The following GLB1L variants were observed in gnomAD, a reference collection of about 807,000 sequenced individuals.
The protein encoded by GLB1L is galactosidase beta 1 like.
In GLB1L, 58 loss-of-function variants were observed where a neutral mutation model predicts 75.7. The observed-to-expected ratio is 0.77, with a 90% confidence interval of 0.62 to 0.95. The LOEUF is 0.95. Ranked by LOEUF, GLB1L falls within the 40% of genes least tolerant of loss-of-function variation. The pLI, the probability that GLB1L is intolerant of heterozygous loss-of-function variation, is 0.00. For synonymous variants in GLB1L, 296 were observed against 303.0 expected, an observed-to-expected ratio of 0.98 and a Z score of 0.24; for missense variants, 797 against 805.5, an observed-to-expected ratio of 0.99 and a Z score of 0.13.
intron 5 of GLB1L, 51 bp from the exon 6 acceptor site, chr2:219,240,336 C>T: frequency 7.2e-7 from 1 of 1,382,762 alleles, no homozygotes; most frequent in Non-Finnish European, 1.0e-6. Flanking sequence ...CACACTTGCT[C>T]ACCACTAAAT....
Position 219,242,884 on chromosome 2 carries a change from C to T in GLB1L, c.274G>A (p.Gly92Arg). 6.2e-7 allele frequency: 1 copy of T among 1,614,226 alleles called. No individual in the cohort carries two copies. The highest frequency in any genetic ancestry group is 1.1e-5 in the South Asian group (1 of 91,084). Residue 92 changes from glycine to arginine, a missense_variant, in exon 4 of 17, where the codon GGG becomes AGG. Transcript: ENST00000295759. The stretch of plus-strand genomic sequence containing the variant: ...CGGCTGCCATTAAAGTTATAGACCC[C>T]AGGCTGTGGCTCGTGGTAGTTCCAG... The part of the protein sequence containing the change: ...VPWNYHEPQP[G>R]VYNFNGSRDL...
Position 219,242,802 on chromosome 2 carries a change from CT to C in GLB1L, c.355del (p.Arg119AspfsTer27). 1 of 1,614,180 alleles carries C rather than the reference CT, an allele frequency of 6.2e-7. No individual in the cohort carries two copies. Among genetic ancestry groups the C allele is most frequent in the African/African-American group, 1.3e-5 (1 of 75,038 alleles). On this transcript the variant is annotated frameshift_variant, in exon 4 of 17. Coordinates refer to ENST00000295759, the MANE Select transcript of GLB1L (RefSeq NM_001286423.2). LOFTEE classifies it high-confidence loss of function. ...AALANLLVILRPGPYICAEWE... is the reference protein window; with the variant it reads ...AALANLLVILXPGPYICAEWE... ...CTCTGCACAGATGTAAGGTCCTGGT[CT>C]CAGTATGACCAACAGGTTCGCTAGA...
Position 219,239,205 on chromosome 2 carries a change from C to T in GLB1L, c.949G>A (p.Asp317Asn), listed in dbSNP as rs1367255835. The change falls in exon 11 of 17, where the codon GAT becomes AAT. Residue 317 changes from aspartate to asparagine, a missense_variant. By Grantham distance (23) the Asp-to-Asn change is conservative. Coordinates refer to ENST00000295759, the MANE Select transcript of GLB1L (RefSeq NM_001286423.2). ...ATCGGAAGGAAGCGTCCCTTCTTAT[C>T]GGCACCTGAAGTTGAGCCAATTTAA... Reference protein sequence around the residue: ...GTNFGYWNGADKKGRFLPITT... With the variant: ...GTNFGYWNGANKKGRFLPITT... The T allele has an allele frequency of 2.5e-6, 4 of 1,609,330 alleles. No individual in the cohort carries two copies. Among genetic ancestry groups the T allele is most frequent in the African/African-American group, 1.3e-5 (1 of 74,666 alleles).
At chr2:219,244,602 GGACAACTGCTT>G in intron 1 of GLB1L, among the ~76,000 whole-genome samples, 1 of 152,260 alleles carries the variant, frequency 6.6e-6, no homozygotes. Context: ...CAGATATTAA[GGACAACTGCTT>G]TGTGCCAAAG....
At position 219,243,403 on chromosome 2, in the gene GLB1L, C is replaced by T. The variant is rs551776642; in HGVS notation, c.73-89G>A. 2.5e-6 allele frequency: 4 copies of T among 1,592,980 alleles called. No homozygotes were observed. The African/African-American group carries it at 4.0e-5, about 16-fold the overall frequency. On this transcript the variant is annotated intron_variant, in intron 2 of 16. Transcript: ENST00000295759. Reference sequence around the variant, plus strand: ...CCAAGAGCGGAAGAGATGGAACTAGCCCTGCGGGTTGTTTGGTTGTTACTT... The same window carrying T: ...CCAAGAGCGGAAGAGATGGAACTAGTCCTGCGGGTTGTTTGGTTGTTACTT...
At chr2:219,244,951 AGCTACCAAAAG>A in intron 1 of GLB1L, among the ~76,000 whole-genome samples, 4 of 152,236 alleles carry the variant, frequency 2.6e-5, no homozygotes, top group Non-Finnish European at 5.9e-5. Context: ...CCTATTTTAC[AGCTACCAAAAG>A]TAAGGATCCG....
intron 14 of GLB1L, 106 bp from the exon 15 acceptor site, chr2:219,238,063 G>A: frequency 8.3e-7 from 1 of 1,207,248 alleles, no homozygotes; most frequent in Non-Finnish European, 1.2e-6. Context: ...AGAGAATGTA[G>A]CCATCTATCA....
At chr2:219,242,645 G>A in intron 4 of GLB1L, 71 bp from the exon 5 acceptor site, 1 of 1,536,826 alleles carries the variant, frequency 6.5e-7, no homozygotes, top group Non-Finnish European at 9.0e-7. Flanking sequence ...AAGCTAGGAA[G>A]GGAAGGAAGG....
rs143823898 is a variant in GLB1L, at chr2:219,239,800, C to T, written c.755G>A (p.Arg252Gln). 22 of 1,614,058 alleles carry T rather than the reference C, an allele frequency of 1.4e-5. No individual in the cohort carries two copies. The African/African-American group carries it at 1.7e-4, about 13-fold the overall frequency. ...DNMTKIFTLL[R>Q]KYEPHGPLVN... ...CAATGGCCCATGGGGTTCATACTTC[C>T]GAAGCAGGGTAAAGATTTTGGTCAT... Residue 252 changes from arginine to glutamine, a missense_variant, in exon 8 of 17, where the codon CGG (arginine) becomes CAG (glutamine). Physicochemically the swap from Arg to Gln is conservative, Grantham distance 43. Transcript: ENST00000295759.
chr2:219,243,842 C>T (rs1951460683), intron 1 of GLB1L, 199 bp from the exon 2 acceptor site: 1 of 422,682 alleles, frequency 2.4e-6, no homozygotes, highest in Admixed American at 3.6e-5. Flanking sequence ...CACGATGGCT[C>T]ACGCCTGTAA....
chr2:219,244,851 C>T (rs757311492), intron 1 of GLB1L, among the ~76,000 whole-genome samples: 26 of 152,150 alleles, frequency 1.7e-4, no homozygotes, highest in Non-Finnish European at 3.2e-4. Context: ...GTAGCCTGTC[C>T]AAGGTCACAC....
rs1186487574 is a variant in GLB1L, at chr2:219,238,523, A to C, written c.1199T>G (p.Leu400Trp). The C allele has an allele frequency of 6.2e-7, 1 of 1,614,216 alleles. No homozygotes were observed. Among genetic ancestry groups the C allele is most frequent in the Non-Finnish European group, 8.5e-7 (1 of 1,180,032 alleles). Residue 400 changes from leucine (L) to tryptophan (W), a missense_variant, in exon 13 of 17, where the codon TTG becomes TGG. Leu to Trp is a moderately conservative substitution (Grantham distance 61). Transcript: ENST00000295759. The part of the protein sequence containing the change: ...LCPRGPIHSI[L>W]PMTFEAVKQD... Reference sequence around the variant, plus strand: ...CTTGACAGCCTCAAAGGTCATTGGCAAGATTGAATGAATGGGCCCACGGGG... The same window carrying C: ...CTTGACAGCCTCAAAGGTCATTGGCCAGATTGAATGAATGGGCCCACGGGG...
At chr2:219,239,264 A>G in intron 10 of GLB1L, 54 bp from the exon 11 acceptor site, 1 of 1,516,966 alleles carries the variant, frequency 6.6e-7, no homozygotes. Context: ...GACAGGCACT[A>G]CTAAGCATGC....
chr2:219,236,653 G>A lies in GLB1L; in HGVS notation c.*419C>T, dbSNP rs1396542483. ...ATCACAATAAAGTTTGGCAAGGAAT[G>A]TGTACTTGTACTTACATTCAGAGGC... On this transcript the variant is annotated 3_prime_UTR_variant, in exon 17 of 17. Transcript: ENST00000295759. The A allele has an allele frequency of 6.0e-6, 4 of 668,198 alleles. No homozygotes were observed. In the Admixed American group the frequency reaches 1.1e-4, roughly 18 times the overall value. The allele number at this position is 668,198 out of a possible 1,614,324, so 41.4% of individuals were successfully genotyped here.
Position 219,239,135 on chromosome 2 carries a change from TC to T in GLB1L, c.1018del (p.Asp340ThrfsTer31). The T allele has an allele frequency of 6.2e-7, 1 of 1,614,012 alleles. No homozygotes were observed. On this transcript the variant is annotated frameshift_variant, in exon 11 of 17. Transcript: ENST00000295759. LOFTEE classifies it high-confidence loss of function. ...DYDAPISEAG[D>X]PTPKLFALRD... ...AAGAGCAAAAAGCTTAGGTGTGGGG[TC>T]CCCTGCTTCAGATATAGGTGCATCA...
chr2:219,240,180 C>A lies in GLB1L; in HGVS notation c.546+11G>T, dbSNP rs1420654004. 1 of 1,613,420 alleles carries A rather than the reference C, an allele frequency of 6.2e-7. No individual in the cohort carries two copies. Among genetic ancestry groups the A allele is most frequent in the African/African-American group, 1.3e-5 (1 of 74,890 alleles). On this transcript the variant is annotated intron_variant, in intron 6 of 16. Transcript: ENST00000295759. ...CCTTCTTCCCCTGCTCCAGTCACTT[C>A]CCCCTTGTACCTGAATGCTAATGAT... is the stretch of plus-strand genomic sequence containing the variant.
chr2:219,241,763 C>T (rs974056997), intron 5 of GLB1L, among the ~76,000 whole-genome samples: 15 of 151,906 alleles, frequency 9.9e-5, no homozygotes, highest in African/African-American at 3.1e-4. Context: ...GAGGTTTAAG[C>T]AGAGAAATGA....
chr2:219,240,131 G>C, intron 6 of GLB1L, 37 bp from the exon 7 acceptor site: 1 of 1,613,734 alleles, frequency 6.2e-7, no homozygotes, highest in Non-Finnish European at 8.5e-7. Flanking sequence ...CCAGCTATGG[G>C]ATGGAGGTCA....
rs1951280991 is a variant in GLB1L, at chr2:219,237,557, T to G, written c.1644A>C (p.Leu548Phe). 2 of 1,614,082 alleles carry G rather than the reference T, an allele frequency of 1.2e-6. No individual in the cohort carries two copies. Among genetic ancestry groups the G allele is most frequent in the Non-Finnish European group, 8.5e-7 (1 of 1,180,036 alleles). Residue 548 changes from leucine (L) to phenylalanine (F), a missense_variant, in exon 16 of 17, where the codon TTA becomes TTC. Leu to Phe is a conservative substitution (Grantham distance 22). Coordinates refer to ENST00000295759, the MANE Select transcript of GLB1L (RefSeq NM_001286423.2). Reference protein sequence around the residue: ...PTFYSKTFPILGSVGDTFLYL... With the variant: ...PTFYSKTFPIFGSVGDTFLYL... ...ATAGAAATGTGTCCCCAACTGAGCCTAAAATTGGAAATGTTTTGGAGTAGA... is the reference window on the plus strand; with the variant it reads ...ATAGAAATGTGTCCCCAACTGAGCCGAAAATTGGAAATGTTTTGGAGTAGA...
Sources: gnomAD v4.1 joint callset for allele counts (sites outside exome capture counted in the v4.1 genomes callset) on GRCh38, gnomAD v4.1.1 for gene constraint, MANE v1.5 for transcripts, NCBI Gene and HGNC (gene_info 2026-07-23, HGNC 2026-07-21) for gene names.